FGF12: variants seen among roughly 807,000 people sequenced by gnomAD.
The protein encoded by FGF12 is fibroblast growth factor 12.
Under a neutral mutation model 23.6 loss-of-function variants are expected in FGF12, and 14 were observed. The observed-to-expected ratio is 0.59, with a 90% CI of 0.39 to 0.93. FGF12 has a LOEUF of 0.93. Ranked by LOEUF, FGF12 falls within the 40% of genes least tolerant of loss-of-function variation. The probability of loss-of-function intolerance (pLI) is 0.00; values close to 1 mark genes in which losing one functional copy is unlikely to be tolerated. For synonymous variants in FGF12, 62 were observed against 77.3 expected (o/e 0.80, Z 1.04); for missense variants, 175 against 217.8 (o/e 0.80, Z 1.24).
At chr3:192,301,000 C>CG (rs1180645243) in intron 4 of FGF12, among the ~76,000 whole-genome samples, 1 of 151,998 alleles carries the variant, frequency 6.6e-6, no homozygotes, top group African/African-American at 2.4e-5. Flanking sequence ...GATTCTGCCT[C>CG]AAAGGAAAAG....
At chr3:192,352,045 T>C (rs201619362) in intron 3 of FGF12, among the ~76,000 whole-genome samples, 2 of 89,636 alleles carry the variant, frequency 2.2e-5, no homozygotes, top group African/African-American at 3.5e-5. Flanking sequence ...TATTTTTTTC[T>C]TTTTTTTTTG....
intron 2 of FGF12, among the ~76,000 whole-genome samples, chr3:192,603,608 T>C (rs1180067836): frequency 6.6e-6 from 1 of 152,048 alleles, no homozygotes; most frequent in Non-Finnish European, 1.5e-5. Context: ...CACATATCAG[T>C]AGGACTGTGA....
intron 4 of FGF12, among the ~76,000 whole-genome samples, chr3:192,283,343 T>C (rs1172556500): frequency 6.6e-6 from 1 of 152,104 alleles, no homozygotes; most frequent in Non-Finnish European, 1.5e-5. Flanking sequence ...CCTTGTTTTC[T>C]TTCCAAACAA....
Position 192,409,162 on chromosome 3 carries a change from A to C in FGF12, c.14-48624T>G, listed in dbSNP as rs1322259547. On this transcript the variant is annotated intron_variant, in intron 2 of 5. Transcript: ENST00000445105. The surrounding 1 kb of genome is among the most constrained non-coding windows in gnomAD (Gnocchi z 4.8). The stretch of plus-strand genomic sequence containing the variant: ...AGCGAGAGGCGATCTGCGGGGTCCC[A>C]AGAGTGGGCGCTCTTTCTCTTTCCG... 5.6e-6 allele frequency: 1 copy of C among 179,602 alleles called. No homozygotes were observed. Among genetic ancestry groups the C allele is most frequent in the Non-Finnish European group, 1.1e-5 (1 of 93,112 alleles). 11.1% of individuals were successfully genotyped at this position (179,602 alleles called of 1,614,324 possible).
chr3:192,509,269 T>C (rs1245051202), intron 2 of FGF12, among the ~76,000 whole-genome samples: 1 of 152,164 alleles, frequency 6.6e-6, no homozygotes, highest in Non-Finnish European at 1.5e-5. Flanking sequence ...GTCGGGCAAA[T>C]GGATTGCTGG....
intron 2 of FGF12, among the ~76,000 whole-genome samples, chr3:192,560,776 C>G (rs1711986125): frequency 6.6e-6 from 1 of 152,044 alleles, no homozygotes; most frequent in Admixed American, 6.6e-5. Flanking sequence ...TTTTAACAAA[C>G]TCTTTCCTAA....
At chr3:192,664,554 C>A (rs1716784503) in intron 2 of FGF12, among the ~76,000 whole-genome samples, 2 of 139,378 alleles carry the variant, frequency 1.4e-5, no homozygotes, top group African/African-American at 5.4e-5. Context: ...TTCAAGACCA[C>A]CCTGGTTAAA....
intron 2 of FGF12, among the ~76,000 whole-genome samples, chr3:192,555,354 G>T (rs1460888908): frequency 2.0e-5 from 3 of 152,102 alleles, no homozygotes; most frequent in African/African-American, 7.2e-5. Context: ...AAGCTAGATG[G>T]CAAAGGTAAA....
intron 2 of FGF12, among the ~76,000 whole-genome samples, chr3:192,492,354 GA>G (rs1284246329): frequency 1.3e-5 from 2 of 151,854 alleles, no homozygotes; most frequent in African/African-American, 2.4e-5. Context: ...TATGGAGAAA[GA>G]AAAAAATATA....
At chr3:192,231,197 A>G (rs1029666592) in intron 4 of FGF12, among the ~76,000 whole-genome samples, 1 of 152,130 alleles carries the variant, frequency 6.6e-6, no homozygotes, top group African/African-American at 2.4e-5. Context: ...TTGTTGATAT[A>G]TTATTGATGC....
chr3:192,166,185 G>T (rs79207659), intron 5 of FGF12, among the ~76,000 whole-genome samples: 6,340 of 152,188 alleles, frequency 0.042, 199 homozygotes, highest in South Asian at 0.07. Context: ...AATCATTTAA[G>T]GATATAATGT....
chr3:192,502,626 C>G (rs1257894613), intron 2 of FGF12, among the ~76,000 whole-genome samples: 1 of 152,086 alleles, frequency 6.6e-6, no homozygotes, highest in African/African-American at 2.4e-5. Flanking sequence ...ACTGTGATTA[C>G]TTTTCTGTAC....
intron 2 of FGF12, among the ~76,000 whole-genome samples, chr3:192,661,903 A>AAGCTGCATAAATATGGGCAAG (rs1233432727): frequency 6.6e-6 from 1 of 152,230 alleles, no homozygotes; most frequent in African/African-American, 2.4e-5. Flanking sequence ...TACTACTTAA[A>AAGCTGCATAAATATGGGCAAG]AGCTGCATAA....
At chr3:192,268,677 T>A (rs1336732891) in intron 4 of FGF12, 1 of 447,132 alleles carries the variant, frequency 2.2e-6, no homozygotes, top group Non-Finnish European at 4.5e-6. Context: ...TTGTCATGAT[T>A]GTAAGCTTCC....
intron 4 of FGF12, among the ~76,000 whole-genome samples, chr3:192,225,267 C>T (rs930819695): frequency 2.0e-5 from 3 of 152,060 alleles, no homozygotes; most frequent in African/African-American, 7.2e-5. Context: ...TAGCCATCAT[C>T]GCTCTGCACT....
At chr3:192,326,777 A>G (rs1454260294) in intron 4 of FGF12, among the ~76,000 whole-genome samples, 1 of 152,244 alleles carries the variant, frequency 6.6e-6, no homozygotes, top group African/African-American at 2.4e-5. Flanking sequence ...CAAATAGGAG[A>G]AGCAATATTG....
chr3:192,296,131 C>A (rs1211441074), intron 4 of FGF12, among the ~76,000 whole-genome samples: 1 of 128,946 alleles, frequency 7.8e-6, no homozygotes, highest in Non-Finnish European at 1.5e-5. Context: ...GTCTTAAATT[C>A]CTGACCTCAA....
At chr3:192,624,456 GAGAGA>G (rs1715091541) in intron 2 of FGF12, among the ~76,000 whole-genome samples, 1 of 152,124 alleles carries the variant, frequency 6.6e-6, no homozygotes, top group Non-Finnish European at 1.5e-5. Context: ...AGGAGGAGCA[GAGAGA>G]AGAGGAGGAA....
chr3:192,225,111 T>C (rs528894728), intron 4 of FGF12, among the ~76,000 whole-genome samples: 1 of 152,024 alleles, frequency 6.6e-6, no homozygotes, highest in Admixed American at 6.6e-5. Context: ...AAAAAAAGTA[T>C]CATTAGCCAC....
Sources: gnomAD v4.1 joint callset for allele counts (sites outside exome capture counted in the v4.1 genomes callset) on GRCh38, gnomAD v4.1.1 for gene constraint, Gnocchi (gnomAD v3.1) non-coding constraint, MANE v1.5 for transcripts, NCBI Gene and HGNC (gene_info 2026-07-23, HGNC 2026-07-21) for gene names.